Variants in BRDT observed in about 807,000 individuals in gnomAD.
BRDT encodes the protein bromodomain testis associated, also known as bromodomain testis-specific protein.
A neutral mutation model predicts 113.9 loss-of-function variants in BRDT; 77 were observed. The observed-to-expected ratio is 0.68, with a 90% confidence interval of 0.56 to 0.82. The LOEUF is 0.82. BRDT is among the 40% of genes least tolerant of loss of function. The pLI, the probability that BRDT is intolerant of heterozygous loss-of-function variation, is 0.00. For missense variants in BRDT, 1,027 were observed against 1,105.4 expected, an observed-to-expected ratio of 0.93 and a Z score of 1.01; for synonymous variants, 358 against 366.5, an observed-to-expected ratio of 0.98 and a Z score of 0.26.
chr1:91,964,095 C>G (rs1013942437), intron 2 of BRDT, among the ~76,000 whole-genome samples: 12 of 152,096 alleles, frequency 7.9e-5, no homozygotes, highest in African/African-American at 4.8e-5. Flanking sequence ...GAGTCTCGCT[C>G]TGTCCCCCAG....
rs771291053 is a variant in BRDT at position 92,014,324 on chromosome 1, A to C, written c.*50A>C. ...AACTTAAAATGAATGGTAAAAGATC[A>C]AAATGCATATGGTAAAATGATTGCT... On this transcript the variant is annotated 3_prime_UTR_variant, in exon 19 of 19. Coordinates refer to ENST00000399546, the MANE Select transcript of BRDT (RefSeq NM_207189.4). The C allele has an allele frequency of 9.6e-6, 12 of 1,248,482 alleles. No homozygotes were observed. Among genetic ancestry groups the C allele is most frequent in the Non-Finnish European group, 1.4e-5 (12 of 879,406 alleles). 77.3% of individuals were successfully genotyped at this position (1,248,482 alleles called of 1,614,324 possible).
intron 4 of BRDT, among the ~76,000 whole-genome samples, chr1:91,974,756 A>G (rs567691987): frequency 9.1e-4 from 138 of 152,328 alleles, no homozygotes; most frequent in African/African-American, 3.2e-3. Context: ...TAGAAATACC[A>G]TTTGACCCAG....
intron 11 of BRDT, 76 bp from the exon 12 acceptor site, chr1:91,981,542 C>G: frequency 6.3e-7 from 1 of 1,583,554 alleles, no homozygotes; most frequent in Non-Finnish European, 8.6e-7. Context: ...CCATGCCCAG[C>G]CTAGGTGGCA....
At chr1:91,958,127 G>A (rs572997066) in intron 1 of BRDT, among the ~76,000 whole-genome samples, 3 of 151,890 alleles carry the variant, frequency 2.0e-5, no homozygotes, top group East Asian at 3.9e-4. Flanking sequence ...ACAGGCGCGA[G>A]CCGCCATGCC....
intron 18 of BRDT, among the ~76,000 whole-genome samples, chr1:92,012,418 C>T (rs1161940471): frequency 1.3e-5 from 2 of 152,074 alleles, no homozygotes; most frequent in Non-Finnish European, 2.9e-5. Flanking sequence ...CTAAAATAAG[C>T]CAATACACAC....
chr1:91,972,473 G>A lies in BRDT; in HGVS notation c.446-3793G>A, dbSNP rs180966143. ...TATTTTTTGTCTGTTTCTTACACTA[G>A]ACAGTAAGCTACAAGAGCAGATACT... On this transcript the variant is annotated intron_variant, in intron 4 of 18. Coordinates refer to ENST00000399546, the MANE Select transcript of BRDT (RefSeq NM_207189.4). Among the ~76,000 whole-genome samples, 51 of 152,196 alleles carry A rather than the reference G, an allele frequency of 3.4e-4. No homozygotes were observed. The East Asian group carries it at 9.5e-3, about 28-fold the overall frequency.
At chr1:91,976,718 A>G (rs949988597) in intron 5 of BRDT, among the ~76,000 whole-genome samples, 1 of 152,146 alleles carries the variant, frequency 6.6e-6, no homozygotes, top group Non-Finnish European at 1.5e-5. Flanking sequence ...TTTTCTTTTA[A>G]AAATCATATA....
intron 14 of BRDT, among the ~76,000 whole-genome samples, chr1:91,993,404 G>C (rs1685983163): frequency 6.6e-6 from 1 of 152,164 alleles, no homozygotes; most frequent in African/African-American, 2.4e-5. Context: ...TTTCAGGTAA[G>C]CTGCTTCTAT....
chr1:91,955,779 G>T (rs907759632), intron 1 of BRDT, among the ~76,000 whole-genome samples: 12 of 150,144 alleles, frequency 8.0e-5, no homozygotes, highest in African/African-American at 2.7e-4. Context: ...AGAAACCAGG[G>T]CCTCCAGCCA....
At position 92,004,440 on chromosome 1, in the gene BRDT, A is replaced by G. The variant is rs1687112906; in HGVS notation, c.2415A>G (p.Ser805=). Residue 805 remains serine, a synonymous_variant, in exon 17 of 19, where the codon TCA becomes TCG. Coordinates refer to ENST00000399546, the MANE Select transcript of BRDT (RefSeq NM_207189.4). ...ATATAAAGATTAAGAATGCAGATTC[A>G]TGGAAAAGTTTAGGCAAACCAGTGA... ...QKDIKIKNAD[S]WKSLGKPVKP... 1 of 1,608,648 alleles carries G rather than the reference A, an allele frequency of 6.2e-7. No homozygotes were observed. The highest frequency in any genetic ancestry group is 1.3e-5 in the African/African-American group (1 of 74,552).
intron 1 of BRDT, among the ~76,000 whole-genome samples, chr1:91,960,355 T>G (rs1312980210): frequency 1.3e-5 from 2 of 152,210 alleles, no homozygotes; most frequent in African/African-American, 4.8e-5. Context: ...GAATATTATT[T>G]AGCCTTAAAA....
chr1:91,992,638 C>T (rs900502507), intron 14 of BRDT, among the ~76,000 whole-genome samples: 2 of 152,102 alleles, frequency 1.3e-5, no homozygotes, highest in Non-Finnish European at 2.9e-5. Context: ...CGGGTTCAAG[C>T]GATTCTCATG....
At chr1:91,975,853 G>A (rs566027016) in intron 4 of BRDT, among the ~76,000 whole-genome samples, 4 of 152,300 alleles carry the variant, frequency 2.6e-5, no homozygotes, top group African/African-American at 9.6e-5. Context: ...CACATCTTTT[G>A]TTCTGTGATG....
intron 4 of BRDT, among the ~76,000 whole-genome samples, chr1:91,972,751 C>G (rs1304218480): frequency 1.3e-5 from 2 of 152,116 alleles, no homozygotes; most frequent in African/African-American, 2.4e-5. Flanking sequence ...GTTCAAAGAG[C>G]AACAGTTGGA....
At chr1:91,980,125 A>G (rs1684571223) in intron 8 of BRDT, among the ~76,000 whole-genome samples, 1 of 152,158 alleles carries the variant, frequency 6.6e-6, no homozygotes, top group Admixed American at 6.5e-5. Flanking sequence ...ACTTAAGACC[A>G]ACCAGGCACC....
At chr1:91,980,604 A>T (rs1570537232) in intron 8 of BRDT, 39 bp from the exon 9 acceptor site, 1 of 1,344,176 alleles carries the variant, frequency 7.4e-7, no homozygotes, top group Non-Finnish European at 9.6e-7. Flanking sequence ...TTAATTATTT[A>T]GAGACATGAA....
chr1:91,959,246 G>T (rs993811044), intron 1 of BRDT, among the ~76,000 whole-genome samples: 1 of 152,040 alleles, frequency 6.6e-6, no homozygotes, highest in Non-Finnish European at 1.5e-5. Context: ...GTCACAGCTT[G>T]GTCTGTAGTG....
rs367677152 is a variant in BRDT at position 91,977,224 on chromosome 1, T to A, written c.800T>A (p.Val267Asp). 38 of 1,613,834 alleles carry A rather than the reference T, an allele frequency of 2.4e-5. No individual in the cohort carries two copies. The highest frequency in any genetic ancestry group is 3.2e-5 in the Non-Finnish European group (38 of 1,179,976). The change falls in exon 6 of 19, where the codon GTT becomes GAT. Residue 267 changes from valine (V) to aspartate (D), a missense_variant. Coordinates refer to ENST00000399546, the MANE Select transcript of BRDT (RefSeq NM_207189.4). ...SQQQYNVVKT[V>D]KVTEQLRHCS... ...CAACAATATAATGTTGTGAAGACTG[T>A]TAAAGTAACTGAACAATTAAGGCAC... is the stretch of plus-strand genomic sequence containing the variant.
chr1:91,975,853 G>T (rs566027016), intron 4 of BRDT, among the ~76,000 whole-genome samples: 1 of 152,182 alleles, frequency 6.6e-6, no homozygotes, highest in Admixed American at 6.5e-5. Context: ...CACATCTTTT[G>T]TTCTGTGATG....
Sources: allele counts gnomAD v4.1 joint callset (sites outside exome capture counted in the v4.1 genomes callset), GRCh38; gene constraint gnomAD v4.1.1; transcripts MANE v1.5; gene names NCBI Gene and HGNC (gene_info 2026-07-23, HGNC 2026-07-21).